Variants in TAFA4 observed in about 807,000 individuals in gnomAD.
TAFA4 encodes chemokine-like protein TAFA-4.
In TAFA4, 20 loss-of-function variants were observed where a neutral mutation model predicts 21.1. That is an observed-to-expected ratio of 0.95 (90% confidence interval 0.67 to 1.38). The LOEUF is 1.38. TAFA4 is among the 40% of genes most tolerant of loss of function. The pLI is 0.00. For synonymous variants in TAFA4, 71 were observed against 67.4 expected (o/e 1.05, Z -0.26); for missense variants, 211 against 180.9 (o/e 1.17, Z -0.95).
intron 3 of TAFA4, among the ~76,000 whole-genome samples, chr3:68,820,585 G>A (rs114918542): frequency 3.9e-5 from 6 of 152,080 alleles, no homozygotes; most frequent in African/African-American, 1.2e-4. Flanking sequence ...AGGATTACTT[G>A]AACCTAGGAG....
intron 4 of TAFA4, among the ~76,000 whole-genome samples, chr3:68,747,752 T>C (rs573579613): frequency 6.6e-6 from 1 of 152,308 alleles, no homozygotes; most frequent in East Asian, 1.9e-4. Flanking sequence ...TCCGGAATCT[T>C]ACAGTGCTTT....
At chr3:68,893,783 C>G (rs1280590007) in intron 1 of TAFA4, among the ~76,000 whole-genome samples, 1 of 152,158 alleles carries the variant, frequency 6.6e-6, no homozygotes, top group Non-Finnish European at 1.5e-5. Flanking sequence ...TTAATCTAAA[C>G]CTGTATTACA....
chr3:68,864,310 C>T (rs1400127279), intron 3 of TAFA4, among the ~76,000 whole-genome samples: 1 of 151,982 alleles, frequency 6.6e-6, no homozygotes, highest in African/African-American at 2.4e-5. Flanking sequence ...CACACTTCAC[C>T]AAAGAAGATA....
At chr3:68,912,568 G>A (rs554883927) in intron 1 of TAFA4, among the ~76,000 whole-genome samples, 2 of 152,182 alleles carry the variant, frequency 1.3e-5, no homozygotes, top group Non-Finnish European at 2.9e-5. Context: ...ATGAGCGAGC[G>A]AGCGGCATGC....
At chr3:68,767,248 G>C (rs933252035) in intron 3 of TAFA4, among the ~76,000 whole-genome samples, 1 of 152,078 alleles carries the variant, frequency 6.6e-6, no homozygotes, top group African/African-American at 2.4e-5. Context: ...TAAAAGGGTA[G>C]AGTTAGAGAG....
intron 3 of TAFA4, among the ~76,000 whole-genome samples, chr3:68,758,759 G>A (rs988866112): frequency 1.2e-4 from 19 of 152,200 alleles, no homozygotes; most frequent in Admixed American, 5.2e-4. Context: ...AAAGCCTGAT[G>A]GCAGAAAATA....
At chr3:68,900,280 TAAC>T (rs796968026) in intron 1 of TAFA4, among the ~76,000 whole-genome samples, 4,614 of 35,346 alleles carry the variant, frequency 0.13, 88 homozygotes, top group Middle Eastern at 0.21. Flanking sequence ...ATAATAATAA[TAAC>T]AATAATAATA....
chr3:68,739,334 C>A (rs1428540168), intron 4 of TAFA4, 135 bp from the exon 5 acceptor site: 30 of 1,065,012 alleles, frequency 2.8e-5, no homozygotes, highest in Non-Finnish European at 2.4e-5. Context: ...TTGAAGGAAT[C>A]CAATCAGGCA....
chr3:68,877,805 C>A lies in TAFA4; in HGVS notation c.130+2925G>T, dbSNP rs2089569700. On this transcript the variant is annotated intron_variant, in intron 3 of 5. Coordinates refer to ENST00000295569, the MANE Select transcript of TAFA4 (RefSeq NM_182522.5). ...CCATGCTCACAGTCTTCAGCTGTTC[C>A]TGGAATGCGAACCTTTCCACACTCA... is the stretch of plus-strand genomic sequence containing the variant. Among the ~76,000 whole-genome samples, 3 of 152,306 alleles carry A rather than the reference C, an allele frequency of 2.0e-5. No individual in the cohort carries two copies. The South Asian group carries it at 6.2e-4, about 32-fold the overall frequency.
intron 3 of TAFA4, among the ~76,000 whole-genome samples, chr3:68,854,691 C>A (rs917619818): frequency 7.9e-5 from 12 of 151,704 alleles, no homozygotes; most frequent in Non-Finnish European, 1.8e-4. Flanking sequence ...ACCAAGCACC[C>A]TCTAATACAT....
At chr3:68,907,772 T>A (rs978698746) in intron 1 of TAFA4, among the ~76,000 whole-genome samples, 1 of 152,102 alleles carries the variant, frequency 6.6e-6, no homozygotes, top group Non-Finnish European at 1.5e-5. Context: ...AGCCACAACA[T>A]CGATGGTAAA....
At chr3:68,796,414 T>G (rs1703454580) in intron 3 of TAFA4, among the ~76,000 whole-genome samples, 1 of 152,154 alleles carries the variant, frequency 6.6e-6, no homozygotes, top group Admixed American at 6.5e-5. Flanking sequence ...ACAGTGCAAC[T>G]ATAAATATAC....
chr3:68,901,102 A>C (rs776339300), intron 1 of TAFA4, among the ~76,000 whole-genome samples: 1 of 152,188 alleles, frequency 6.6e-6, no homozygotes, highest in Non-Finnish European at 1.5e-5. Flanking sequence ...AGGAGGTATG[A>C]GGTGGCCAGC....
intron 4 of TAFA4, among the ~76,000 whole-genome samples, chr3:68,741,378 A>ATTATAAAAATAGGATTGCTTCC (rs1316853162): frequency 6.6e-6 from 1 of 152,130 alleles, no homozygotes; most frequent in African/African-American, 2.4e-5. Context: ...TTTTGATGCT[A>ATTATAAAAATAGGATTGCTTCC]TTATAAAAAT....
intron 3 of TAFA4, among the ~76,000 whole-genome samples, chr3:68,804,436 T>C (rs956604666): frequency 1.3e-5 from 2 of 152,092 alleles, no homozygotes; most frequent in African/African-American, 4.8e-5. Flanking sequence ...CTTCACAGAA[T>C]TGGAAAAAAC....
intron 3 of TAFA4, among the ~76,000 whole-genome samples, chr3:68,822,709 C>G (rs903067910): frequency 3.9e-5 from 6 of 152,144 alleles, no homozygotes; most frequent in Admixed American, 3.3e-4. Flanking sequence ...TGAACTCAAG[C>G]CATCCACCCG....
intron 3 of TAFA4, among the ~76,000 whole-genome samples, chr3:68,845,818 CT>C (rs1467385792): frequency 6.6e-6 from 1 of 152,022 alleles, no homozygotes; most frequent in African/African-American, 2.4e-5. Context: ...GTTGAAAATT[CT>C]TTTAAGGATG....
intron 3 of TAFA4, among the ~76,000 whole-genome samples, chr3:68,825,752 A>T (rs1704214020): frequency 6.6e-6 from 1 of 152,220 alleles, no homozygotes; most frequent in East Asian, 1.9e-4. Flanking sequence ...AGCATATCTC[A>T]GGTCAAATCT....
At chr3:68,826,554 C>T (rs190170374) in intron 3 of TAFA4, among the ~76,000 whole-genome samples, 33 of 122,978 alleles carry the variant, frequency 2.7e-4, no homozygotes, top group Non-Finnish European at 4.8e-4. Context: ...GCCTGGGCAA[C>T]AGAGCGAGAC....
Sources: allele counts gnomAD v4.1 joint callset (sites outside exome capture counted in the v4.1 genomes callset), GRCh38; gene constraint gnomAD v4.1.1; transcripts MANE v1.5; gene names NCBI Gene and HGNC (gene_info 2026-07-23, HGNC 2026-07-21).